Variants in BOC observed in about 807,000 individuals in gnomAD.
BOC encodes brother of CDO.
In BOC, 76 loss-of-function variants were observed where a neutral mutation model predicts 112.0. The observed-to-expected ratio is 0.68, with a 90% confidence interval of 0.56 to 0.82. BOC has a LOEUF of 0.82. BOC is among the 40% of genes least tolerant of loss of function. The pLI, the probability that BOC is intolerant of heterozygous loss-of-function variation, is 0.00. For synonymous variants in BOC, 580 were observed against 599.8 expected (o/e 0.97, Z 0.48); for missense variants, 1,309 against 1,511.7 (o/e 0.87, Z 2.22).
At position 113,278,511 on chromosome 3, in the gene BOC, A is replaced by T. The variant is rs888643904; in HGVS notation, c.1706-162A>T. On this transcript the variant is annotated intron_variant, in intron 10 of 19. Coordinates refer to ENST00000682979, the MANE Select transcript of BOC (RefSeq NM_001378074.1). This position sits in a 1 kb window ranked among gnomAD's most constrained non-coding sequence, Gnocchi z 4.2. ...GGGCCAGCAATAGTACCACAACAGAACCAGTCTCGGCCGAGGCTGAGCCCA... is the reference window on the plus strand; with the variant it reads ...GGGCCAGCAATAGTACCACAACAGATCCAGTCTCGGCCGAGGCTGAGCCCA... Among the ~76,000 whole-genome samples the T allele has an allele frequency of 6.6e-6, 1 of 151,762 alleles. No individual in the cohort carries two copies. The highest frequency in any genetic ancestry group is 2.4e-5 in the African/African-American group (1 of 41,310).
At position 113,279,324 on chromosome 3, in the gene BOC, G is replaced by A; in HGVS notation, c.1892G>A (p.Gly631Glu). ...TSVYVTWIPR[G>E]NGGFPIQSFR... The stretch of plus-strand genomic sequence containing the variant: ...GTGTACGTGACCTGGATTCCCCGTG[G>A]GAATGGTGGGTTCCCAATCCAGTCC... Residue 631 changes from glycine to glutamate, a missense_variant, in exon 12 of 20, where the codon GGG (glycine) becomes GAG (glutamate). Gly to Glu is a moderately conservative substitution (Grantham distance 98). Coordinates refer to ENST00000682979, the MANE Select transcript of BOC (RefSeq NM_001378074.1). The A allele has an allele frequency of 6.2e-7, 1 of 1,614,188 alleles. No homozygotes were observed. Among genetic ancestry groups the A allele is most frequent in the South Asian group, 1.1e-5 (1 of 91,074 alleles).
intron 2 of BOC, 161 bp downstream of exon 2, chr3:113,216,435 G>A (rs1467888369): frequency 1.7e-5 from 6 of 361,412 alleles, no homozygotes; most frequent in African/African-American, 8.5e-5. Flanking sequence ...GTTCTAGCTC[G>A]GTTCATATGC....
At chr3:113,286,086 C>T (rs1949659225) in intron 19 of BOC, among the ~76,000 whole-genome samples, 1 of 152,126 alleles carries the variant, frequency 6.6e-6, no homozygotes, top group African/African-American at 2.4e-5. Flanking sequence ...ACGCTAAGCC[C>T]ATCCCATTGT....
intron 2 of BOC, among the ~76,000 whole-genome samples, chr3:113,236,198 TATG>T (rs1318531213): frequency 1.7e-5 from 2 of 120,898 alleles, no homozygotes; most frequent in Non-Finnish European, 3.8e-5. Flanking sequence ...ATAAAGAAAA[TATG>T]GTATATATAT....
rs543759923 is a variant in BOC at position 113,274,554 on chromosome 3, G to C, written c.1414G>C (p.Ala472Pro). ...AGGAGAGAAGGGGCAGGGGGCTCCCGCCGAGGCTCCCATCATCCTCAGCTC... is the reference window on the plus strand; with the variant it reads ...AGGAGAGAAGGGGCAGGGGGCTCCCCCCGAGGCTCCCATCATCCTCAGCTC... ...CPGEKGQGAP[A>P]EAPIILSSPR... The change falls in exon 9 of 20, where the codon GCC (alanine) becomes CCC (proline). Residue 472 changes from alanine (A) to proline (P), a missense_variant. Transcript: ENST00000682979. The surrounding 1 kb of genome is among the most constrained non-coding windows in gnomAD (Gnocchi z 4.8). 6.2e-7 allele frequency: 1 copy of C among 1,613,432 alleles called. No homozygotes were observed. The highest frequency in any genetic ancestry group is 1.1e-5 in the South Asian group (1 of 91,076).
rs181171841 is a variant in BOC, at chr3:113,267,471, C to A, written c.377-828C>A. 3.5e-4 allele frequency among the ~76,000 whole-genome samples: 54 copies of A among 152,286 alleles called. No homozygotes were observed. The East Asian group carries it at 0.01, about 29-fold the overall frequency. On this transcript the variant is annotated intron_variant, in intron 4 of 19. Transcript: ENST00000682979. ...CAGAGACCACAGTCTCATGTTAGGA[C>A]CCTGGCTCCTCCATAGTCCACTGCC...
At chr3:113,258,998 C>T (rs1253428692) in intron 4 of BOC, among the ~76,000 whole-genome samples, 3 of 152,214 alleles carry the variant, frequency 2.0e-5, no homozygotes, top group Non-Finnish European at 4.4e-5. Context: ...ATTAATAGCT[C>T]ACTAGAATTA....
At chr3:113,232,481 T>C (rs1942770375) in intron 2 of BOC, among the ~76,000 whole-genome samples, 1 of 152,196 alleles carries the variant, frequency 6.6e-6, no homozygotes, top group African/African-American at 2.4e-5. Flanking sequence ...TGAGTTTGTA[T>C]GAGGTCAGAT....
intron 4 of BOC, chr3:113,252,025 G>A (rs1191066749): frequency 6.6e-6 from 1 of 152,204 alleles, no homozygotes; most frequent in Non-Finnish European, 1.5e-5. Flanking sequence ...GCCACTTGGT[G>A]TGCTGTGTCC....
Position 113,286,957 on chromosome 3 carries a change from T to C in BOC, c.*95T>C, listed in dbSNP as rs966299542. The C allele has an allele frequency of 8.5e-7, 1 of 1,176,710 alleles. No homozygotes were observed. Among genetic ancestry groups the C allele is most frequent in the African/African-American group, 1.6e-5 (1 of 63,592 alleles). 72.9% of individuals were successfully genotyped at this position (1,176,710 alleles called of 1,614,324 possible). ...CAGAGAAAATTGGTATTTATTTTTC[T>C]ATTATAGCCATATTTATATATTTAT... On this transcript the variant is annotated 3_prime_UTR_variant, in exon 20 of 20. Coordinates refer to ENST00000682979, the MANE Select transcript of BOC (RefSeq NM_001378074.1).
chr3:113,222,957 C>T (rs1239564041), intron 2 of BOC, among the ~76,000 whole-genome samples: 5 of 152,230 alleles, frequency 3.3e-5, no homozygotes, highest in South Asian at 2.1e-4. Context: ...AGGTGACAGA[C>T]GGTCCCTGCC....
intron 6 of BOC, chr3:113,271,501 A>G (rs1948119325): frequency 6.7e-6 from 2 of 299,868 alleles, no homozygotes; most frequent in Non-Finnish European, 1.3e-5. Flanking sequence ...AAGGAGTGAC[A>G]TCTTACACGG....
intron 4 of BOC, among the ~76,000 whole-genome samples, chr3:113,256,479 G>A (rs1194320378): frequency 3.9e-5 from 6 of 152,170 alleles, no homozygotes; most frequent in Non-Finnish European, 8.8e-5. Flanking sequence ...AACTGCTGCC[G>A]TATACAGACA....
chr3:113,242,989 C>T (rs1944496243), intron 2 of BOC, among the ~76,000 whole-genome samples: 1 of 152,110 alleles, frequency 6.6e-6, no homozygotes, highest in Admixed American at 6.6e-5. Context: ...GGCAGTGGTG[C>T]CTTCGGTCTG....
At chr3:113,236,162 A>G (rs1257035507) in intron 2 of BOC, among the ~76,000 whole-genome samples, 1 of 148,212 alleles carries the variant, frequency 6.7e-6, no homozygotes, top group Non-Finnish European at 1.5e-5. Context: ...TGGAATCAAC[A>G]TAAATGTCTA....
intron 15 of BOC, among the ~76,000 whole-genome samples, chr3:113,282,235 A>G (rs1949266157): frequency 6.6e-6 from 1 of 152,052 alleles, no homozygotes; most frequent in African/African-American, 2.4e-5. Context: ...CTGTCAGTGG[A>G]TTTGTCTGCT....
intron 2 of BOC, among the ~76,000 whole-genome samples, chr3:113,236,633 T>C (rs1576370201): frequency 6.6e-6 from 1 of 152,026 alleles, no homozygotes; most frequent in East Asian, 1.9e-4. Context: ...CACTTTGTTA[T>C]CCATGTAACA....
chr3:113,238,596 A>C, intron 2 of BOC, among the ~76,000 whole-genome samples: 1 of 152,246 alleles, frequency 6.6e-6, no homozygotes. Flanking sequence ...GTAATAGTCC[A>C]TCAATTATTA....
chr3:113,237,433 A>G (rs1331132200), intron 2 of BOC, among the ~76,000 whole-genome samples: 4 of 151,814 alleles, frequency 2.6e-5, no homozygotes, highest in African/African-American at 9.7e-5. Context: ...CCAGCCTCCA[A>G]CTCAGGGCCA....
Sources: allele counts gnomAD v4.1 joint callset (sites outside exome capture counted in the v4.1 genomes callset), GRCh38; gene constraint gnomAD v4.1.1; non-coding constraint Gnocchi (gnomAD v3.1); transcripts MANE v1.5; gene names NCBI Gene and HGNC (gene_info 2026-07-23, HGNC 2026-07-21).